SNX31: variants seen among roughly 807,000 people sequenced by gnomAD.
SNX31 encodes the protein sorting nexin-31.
SNX31 carries 58 observed loss-of-function variants against 65.4 expected under a neutral mutation model. That is an observed-to-expected ratio of 0.89 (90% CI 0.72 to 1.10). The LOEUF (loss-of-function observed/expected upper bound fraction) is 1.10, where lower values mean the gene tolerates loss of function less well. Ranked by LOEUF, SNX31 falls within the 50% of genes least tolerant of loss-of-function variation. The probability of loss-of-function intolerance (pLI) is 0.00; values close to 1 mark genes in which losing one functional copy is unlikely to be tolerated. For synonymous variants in SNX31, 181 were observed against 190.1 expected (o/e 0.95, Z 0.39); for missense variants, 523 against 529.7 (o/e 0.99, Z 0.12).
chr8:100,657,880 C>CA (rs934012699), intron 1 of SNX31: 63 of 363,010 alleles, frequency 1.7e-4, no homozygotes, highest in Admixed American at 9.6e-4. Flanking sequence ...CAAAAGAAAA[C>CA]AAAAAAACAA....
chr8:100,575,444 C>G lies in SNX31; in HGVS notation c.1228-1484G>C, dbSNP rs976356161. Reference sequence around the variant, plus strand: ...AACTCAATATAGTTGGACACTAGGTCTCTTTCCGACCTGCTGGTCCTACTC... The same window carrying G: ...AACTCAATATAGTTGGACACTAGGTGTCTTTCCGACCTGCTGGTCCTACTC... On this transcript the variant is annotated intron_variant, in intron 13 of 13. Transcript: ENST00000311812. The surrounding 1 kb of genome is among the most constrained non-coding windows in gnomAD (Gnocchi z 5.1). Among the ~76,000 whole-genome samples, 2 of 152,234 alleles carry G rather than the reference C, an allele frequency of 1.3e-5. No homozygotes were observed. Among genetic ancestry groups the G allele is most frequent in the East Asian group, 3.8e-4 (2 of 5,206 alleles).
At chr8:100,654,773 G>A (rs564901642) in intron 1 of SNX31, among the ~76,000 whole-genome samples, 35 of 152,334 alleles carry the variant, frequency 2.3e-4, no homozygotes, top group Admixed American at 1.2e-3. Flanking sequence ...AGCACTTTGG[G>A]AGGCTGAGGC....
In SNX31 at chr8:100,575,117, A is replaced by G. The variant is rs991590823; in HGVS notation, c.1228-1157T>C. On this transcript the variant is annotated intron_variant, in intron 13 of 13. Transcript: ENST00000311812. The surrounding 1 kb of genome is among the most constrained non-coding windows in gnomAD (Gnocchi z 5.1). ...GCAGATGGGCTACAACTTTTTTTCT[A>G]CGAGGGATTTGTTTTGATAGAGGGG... Among the ~76,000 whole-genome samples the G allele has an allele frequency of 1.3e-5, 2 of 152,160 alleles. No homozygotes were observed. The highest frequency in any genetic ancestry group is 3.9e-4 in the East Asian group (2 of 5,192).
intron 8 of SNX31, 47 bp from the exon 9 acceptor site, chr8:100,600,488 A>G: frequency 6.6e-7 from 1 of 1,503,970 alleles, no homozygotes; most frequent in South Asian, 1.2e-5. Context: ...GCAGAAATTA[A>G]TCAATCTGAC....
chr8:100,659,381 T>TG (rs1320534149), intron 1 of SNX31, among the ~76,000 whole-genome samples: 4 of 115,480 alleles, frequency 3.5e-5, no homozygotes, highest in Non-Finnish European at 7.3e-5. Flanking sequence ...AAAAAAAGCG[T>TG]GGGGGGACAT....
chr8:100,609,485 G>C lies in SNX31; in HGVS notation c.612-922C>G, dbSNP rs1816510211. Among the ~76,000 whole-genome samples the C allele has an allele frequency of 6.6e-6, 1 of 152,156 alleles. No individual in the cohort carries two copies. Among genetic ancestry groups the C allele is most frequent in the Non-Finnish European group, 1.5e-5 (1 of 68,038 alleles). ...TGACAGAGTGATTTGCAAATAGCAG[G>C]GGCTCCGTGTCTGCCTGTCAGATCC... is the stretch of plus-strand genomic sequence containing the variant. On this transcript the variant is annotated intron_variant, in intron 7 of 13. Coordinates refer to ENST00000311812, the MANE Select transcript of SNX31 (RefSeq NM_152628.4). This position sits in a 1 kb window ranked among gnomAD's most constrained non-coding sequence, Gnocchi z 4.9.
rs1421292677 is a variant in SNX31, at chr8:100,577,088, G to C, written c.1171-13C>G. Reference sequence around the variant, plus strand: ...GAACTTCAATCTGCTAGATAGATTAGTGAAATGTCAGTCAGCTCAGCCCAG... The same window carrying C: ...GAACTTCAATCTGCTAGATAGATTACTGAAATGTCAGTCAGCTCAGCCCAG... On this transcript the variant is annotated splice_polypyrimidine_tract_variant and intron_variant, in intron 12 of 13. Transcript: ENST00000311812. The C allele has an allele frequency of 6.2e-7, 1 of 1,610,794 alleles. No homozygotes were observed. The highest frequency in any genetic ancestry group is 1.3e-5 in the African/African-American group (1 of 74,828).
Position 100,577,071 on chromosome 8 carries a change from AT to A in SNX31, c.1174del (p.Ile392LeufsTer34), listed in dbSNP as rs763574077. 52 of 1,613,420 alleles carry A rather than the reference AT, an allele frequency of 3.2e-5. No homozygotes were observed. Among genetic ancestry groups the A allele is most frequent in the Non-Finnish European group, 4.4e-5 (52 of 1,179,864 alleles). On this transcript the variant is annotated frameshift_variant, in exon 13 of 14. Transcript: ENST00000311812. LOFTEE classifies it high-confidence loss of function. ...ACTTTTGCTTTGTTCCGGAACTTCAATCTGCTAGATAGATTAGTGAAATGTC... is the reference window on the plus strand; with the variant it reads ...ACTTTTGCTTTGTTCCGGAACTTCAACTGCTAGATAGATTAGTGAAATGTC... Reference protein sequence around the residue: ...KLAAENTEMQIEVPEQSKSKK... With the variant: ...KLAAENTEMQXEVPEQSKSKK...
At chr8:100,603,801 G>GATCTC (rs1815884965) in intron 8 of SNX31, among the ~76,000 whole-genome samples, 2 of 151,170 alleles carry the variant, frequency 1.3e-5, no homozygotes, top group East Asian at 3.9e-4. Flanking sequence ...GCAGTGGTGT[G>GATCTC]ATCTCATCTC....
At chr8:100,661,393 A>T (rs913181429) in intron 1 of SNX31, among the ~76,000 whole-genome samples, 9 of 152,216 alleles carry the variant, frequency 5.9e-5, no homozygotes, top group African/African-American at 2.2e-4. Context: ...TTATAGAATC[A>T]TAAATTCTCA....
chr8:100,581,311 T>TTATATA lies in SNX31; in HGVS notation c.1170+2794_1170+2799dup, dbSNP rs1554570412. On this transcript the variant is annotated intron_variant, in intron 12 of 13. Coordinates refer to ENST00000311812, the MANE Select transcript of SNX31 (RefSeq NM_152628.4). ...GTGACCCTGTCTTTAAAAAAATTTT[T>TTATATA]TATATATCTATATCTATCTATCTAT... 2.1e-3 allele frequency among the ~76,000 whole-genome samples: 254 copies of TTATATA among 122,570 alleles called. 4 individuals are homozygous for TTATATA. Among genetic ancestry groups the TTATATA allele is most frequent in the African/African-American group, 0.011 (243 of 21,358 alleles). 80.4% of individuals were successfully genotyped at this position (122,570 alleles called of 152,430 possible).
At chr8:100,582,257 C>T (rs1813620333) in intron 12 of SNX31, 2 of 152,174 alleles carry the variant, frequency 1.3e-5, no homozygotes, top group Non-Finnish European at 2.9e-5. Context: ...ACTCATTGTA[C>T]AAGTATTTCC....
chr8:100,583,350 C>T (rs1053282452), intron 12 of SNX31, among the ~76,000 whole-genome samples: 1 of 152,002 alleles, frequency 6.6e-6, no homozygotes, highest in Non-Finnish European at 1.5e-5. Flanking sequence ...AAGTGATCCC[C>T]CCACTTGGCC....
chr8:100,611,714 C>T (rs1207904299), intron 7 of SNX31, among the ~76,000 whole-genome samples: 1 of 152,142 alleles, frequency 6.6e-6, no homozygotes, highest in Non-Finnish European at 1.5e-5. Context: ...AACACCACAT[C>T]TGGCTAATTT....
In SNX31 at chr8:100,609,491, C is replaced by T. The variant is rs1384719554; in HGVS notation, c.612-928G>A. ...AGTGATTTGCAAATAGCAGGGGCTC[C>T]GTGTCTGCCTGTCAGATCCAGAATC... On this transcript the variant is annotated intron_variant, in intron 7 of 13. Transcript: ENST00000311812. The surrounding 1 kb of genome is among the most constrained non-coding windows in gnomAD (Gnocchi z 4.9). Among the ~76,000 whole-genome samples, 1 of 152,164 alleles carries T rather than the reference C, an allele frequency of 6.6e-6. No individual in the cohort carries two copies. Among genetic ancestry groups the T allele is most frequent in the Admixed American group, 6.5e-5 (1 of 15,284 alleles).
At position 100,648,646 on chromosome 8, in the gene SNX31, T is replaced by G. The variant is rs766507487; in HGVS notation, c.141+628A>C. On this transcript the variant is annotated intron_variant, in intron 2 of 13. Coordinates refer to ENST00000311812, the MANE Select transcript of SNX31 (RefSeq NM_152628.4). The surrounding 1 kb of genome is among the most constrained non-coding windows in gnomAD (Gnocchi z 4.3). ...CTCCTTATAAGAACAATGAAACCCA[T>G]TAGAGCAGACTAATAAATCAGTCTG... Among the ~76,000 whole-genome samples the G allele has an allele frequency of 9.9e-5, 15 of 152,164 alleles. No individual in the cohort carries two copies. The highest frequency in any genetic ancestry group is 2.9e-5 in the Non-Finnish European group (2 of 68,030).
intron 4 of SNX31, among the ~76,000 whole-genome samples, chr8:100,620,468 C>T (rs1258009095): frequency 6.6e-6 from 1 of 152,188 alleles, no homozygotes; most frequent in African/African-American, 2.4e-5. Context: ...TCCTCCCCAC[C>T]ACATGCTTAC....
chr8:100,641,717 AT>A (rs34610614), intron 2 of SNX31, among the ~76,000 whole-genome samples: 9,064 of 117,164 alleles, frequency 0.077, 373 homozygotes, highest in African/African-American at 0.092. Context: ...ACCTAGTATA[AT>A]TTTTTTTTTT....
At chr8:100,635,367 G>A (rs537573745) in intron 3 of SNX31, among the ~76,000 whole-genome samples, 15 of 151,892 alleles carry the variant, frequency 9.9e-5, no homozygotes, top group Non-Finnish European at 2.1e-4. Flanking sequence ...AGCTTCCTGA[G>A]TAGCTGGGAT....
Sources: gnomAD v4.1 joint callset for allele counts (sites outside exome capture counted in the v4.1 genomes callset) on GRCh38, gnomAD v4.1.1 for gene constraint, Gnocchi (gnomAD v3.1) non-coding constraint, MANE v1.5 for transcripts, NCBI Gene and HGNC (gene_info 2026-07-23, HGNC 2026-07-21) for gene names.